PIR: variants seen among roughly 807,000 people sequenced by gnomAD.
PIR encodes the protein pirin (iron-binding nuclear protein).
In PIR, 22 loss-of-function variants were observed where a neutral mutation model predicts 24.2. The observed-to-expected ratio is 0.91, with a 90% CI of 0.65 to 1.30. PIR has a LOEUF of 1.30. Ranked by LOEUF, PIR falls within the 50% of genes most tolerant of loss-of-function variation. The pLI, the probability that PIR is intolerant of heterozygous loss-of-function variation, is 0.00. For synonymous variants in PIR, 80 were observed against 79.6 expected (o/e 1.00, Z -0.03); for missense variants, 220 against 220.3 (o/e 1.00, Z 0.01).
chrX:15,492,045 C>T (rs1256581135), intron 1 of PIR, among the ~76,000 whole-genome samples: 1 of 109,132 alleles, frequency 9.2e-6, no homozygotes, highest in East Asian at 2.9e-4. Flanking sequence ...TCCCCAGTGC[C>T]ACTCATCTGT....
chrX:15,470,651 G>GAGT (rs1452586785), intron 3 of PIR, among the ~76,000 whole-genome samples: 2 of 99,610 alleles, frequency 2.0e-5, no homozygotes, highest in Non-Finnish European at 4.0e-5. Context: ...GCCCAGGCTG[G>GAGT]AGTGCAATGG....
At chrX:15,428,813 G>A (rs1378972396) in intron 5 of PIR, among the ~76,000 whole-genome samples, 1 of 111,596 alleles carries the variant, frequency 9.0e-6, no homozygotes, top group Non-Finnish European at 1.9e-5. Context: ...CCAGCTAGAG[G>A]TATTGCTTTT....
At chrX:15,455,751 G>T in intron 5 of PIR, 97 bp downstream of exon 5, 2 of 665,910 alleles carry the variant, frequency 3.0e-6, no homozygotes, top group South Asian at 4.9e-5. Context: ...CATGGGACAT[G>T]AATTTTGGTA....
intron 8 of PIR, among the ~76,000 whole-genome samples, chrX:15,397,131 T>C (rs982025996): frequency 1.8e-5 from 2 of 112,129 alleles, no homozygotes; most frequent in African/African-American, 6.5e-5. Flanking sequence ...TCACTTATGC[T>C]AAAAACAAAA....
intron 6 of PIR, among the ~76,000 whole-genome samples, chrX:15,423,707 A>T (rs1925212286): frequency 8.9e-6 from 1 of 112,076 alleles, no homozygotes; most frequent in Non-Finnish European, 1.9e-5. Context: ...CAGAATATAT[A>T]AGGAGCTCAA....
At chrX:15,391,912 C>T (rs1163511746) in intron 8 of PIR, among the ~76,000 whole-genome samples, 3 of 111,919 alleles carry the variant, frequency 2.7e-5, no homozygotes, top group African/African-American at 9.7e-5. Context: ...ATATGCTTGG[C>T]ATTCCAGATT....
chrX:15,455,628 T>C (rs1234523880), intron 5 of PIR, among the ~76,000 whole-genome samples: 1 of 112,590 alleles, frequency 8.9e-6, no homozygotes, highest in Non-Finnish European at 1.9e-5. Context: ...GACCAAACTT[T>C]ATATGAGCTT....
intron 5 of PIR, among the ~76,000 whole-genome samples, chrX:15,452,811 T>C (rs1920980894): frequency 8.9e-6 from 1 of 112,239 alleles, no homozygotes; most frequent in African/African-American, 3.2e-5. Context: ...GTCTGCATTT[T>C]ATCAAGACCC....
intron 5 of PIR, among the ~76,000 whole-genome samples, chrX:15,455,547 T>C (rs1360919831): frequency 1.8e-5 from 2 of 112,343 alleles, no homozygotes; most frequent in Non-Finnish European, 3.8e-5. Context: ...AAGCATAAAA[T>C]TGCACTATAA....
intron 6 of PIR, 24 bp downstream of exon 6, chrX:15,425,882 A>T: frequency 1.1e-6 from 1 of 928,247 alleles, no homozygotes; most frequent in Non-Finnish European, 1.5e-6. Context: ...TGACGTGACT[A>T]CTAAACCCCA....
At chrX:15,388,847 C>G (rs1269970816) in intron 9 of PIR, among the ~76,000 whole-genome samples, 2 of 112,198 alleles carry the variant, frequency 1.8e-5, no homozygotes, top group African/African-American at 6.5e-5. Context: ...ACTTAAATGT[C>G]TGAGTTTTTA....
chrX:15,442,087 C>A (rs1194084672), intron 5 of PIR, among the ~76,000 whole-genome samples: 2 of 105,408 alleles, frequency 1.9e-5, no homozygotes, highest in Non-Finnish European at 1.9e-5. Context: ...TTTTTTTTTA[C>A]AAATTGAAGG....
At chrX:15,426,465 C>G (rs1346297253) in intron 5 of PIR, among the ~76,000 whole-genome samples, 1 of 112,065 alleles carries the variant, frequency 8.9e-6, no homozygotes, top group Non-Finnish European at 1.9e-5. Context: ...TGGTCCGACA[C>G]TGCTCGCTTG....
intron 8 of PIR, among the ~76,000 whole-genome samples, chrX:15,391,419 T>A (rs1012479081): frequency 8.9e-6 from 1 of 112,186 alleles, no homozygotes. Flanking sequence ...GGGGAATTGT[T>A]TTGTAATCAA....
At chrX:15,425,783 G>C in intron 6 of PIR, 123 bp downstream of exon 6, 1 of 482,862 alleles carries the variant, frequency 2.1e-6, no homozygotes, top group Non-Finnish European at 3.7e-6. Context: ...ATAAACAAGA[G>C]TTCTTAGAAC....
intron 5 of PIR, among the ~76,000 whole-genome samples, chrX:15,452,020 A>T (rs1027865631): frequency 9.0e-6 from 1 of 111,701 alleles, no homozygotes; most frequent in Non-Finnish European, 1.9e-5. Context: ...AGGCACAGCA[A>T]TCTTAAGTGA....
chrX:15,462,910 G>A (rs1201165238), intron 3 of PIR, among the ~76,000 whole-genome samples: 2 of 112,183 alleles, frequency 1.8e-5, no homozygotes, highest in Admixed American at 9.5e-5. Context: ...AGATAAAAAA[G>A]TGGAGAAGAC....
chrX:15,443,850 A>G (rs957906502), intron 5 of PIR, among the ~76,000 whole-genome samples: 11 of 112,261 alleles, frequency 9.8e-5, no homozygotes, highest in African/African-American at 3.6e-4. Context: ...CTAGAATTAG[A>G]AGTGGAGCCT....
At chrX:15,429,852 T>C (rs1374625809) in intron 5 of PIR, 5 of 108,401 alleles carry the variant, frequency 4.6e-5, no homozygotes, top group African/African-American at 1.7e-4. Flanking sequence ...CGAGACTCTG[T>C]CTCAAGGGAA....
Sources: gnomAD v4.1 joint callset for allele counts (sites outside exome capture counted in the v4.1 genomes callset) on GRCh38, gnomAD v4.1.1 for gene constraint, MANE v1.5 for transcripts, NCBI Gene and HGNC (gene_info 2026-07-23, HGNC 2026-07-21) for gene names.